The following SAMD4A variants were observed in gnomAD, a reference collection of about 807,000 sequenced individuals.
SAMD4A encodes protein Smaug homolog 1.
In SAMD4A, 33 loss-of-function variants were observed where a neutral mutation model predicts 81.3. The ratio of observed to expected loss-of-function variants is 0.41; its 90% CI spans 0.31 to 0.54. The LOEUF is 0.54. SAMD4A is among the 20% of genes least tolerant of loss of function. SAMD4A has a pLI of 0.37. For synonymous variants in SAMD4A, 389 were observed against 382.1 expected, an observed-to-expected ratio of 1.02 and a Z score of -0.21; for missense variants, 854 against 951.1, an observed-to-expected ratio of 0.90 and a Z score of 1.34.
chr14:54,731,538 C>T (rs1594870699), intron 3 of SAMD4A, among the ~76,000 whole-genome samples: 1 of 152,342 alleles, frequency 6.6e-6, no homozygotes, highest in Middle Eastern at 3.4e-3. Flanking sequence ...CATCCTCATT[C>T]TACCTTTTAA....
chr14:54,652,238 G>A (rs1362131225), intron 2 of SAMD4A, among the ~76,000 whole-genome samples: 1 of 152,168 alleles, frequency 6.6e-6, no homozygotes, highest in Non-Finnish European at 1.5e-5. Context: ...TAGTAAAAAT[G>A]GCAAAAGAGA....
intron 2 of SAMD4A, among the ~76,000 whole-genome samples, chr14:54,612,386 G>A (rs570158529): frequency 6.6e-6 from 1 of 152,130 alleles, no homozygotes; most frequent in East Asian, 1.9e-4. Context: ...GTCATTAGAA[G>A]CTCTTTCCTG....
In SAMD4A at chr14:54,760,630, G is replaced by T. The variant is rs1415296748; in HGVS notation, c.1510+136G>T. ...TCATTAGCTTCATCTTACAGATAGG[G>T]AAAGTGCAGTTCAGAGAGGTTAAGC... On this transcript the variant is annotated intron_variant, in intron 7 of 12. Coordinates refer to ENST00000554335, the MANE Select transcript of SAMD4A (RefSeq NM_015589.6). 2 of 1,326,708 alleles carry T rather than the reference G, an allele frequency of 1.5e-6. No homozygotes were observed. Among genetic ancestry groups the T allele is most frequent in the Middle Eastern group, 2.1e-4 (1 of 4,826 alleles). The allele number at this position is 1,326,708 out of a possible 1,614,324, so 82.2% of individuals were successfully genotyped here. A position where few individuals can be genotyped will look rare whatever the true frequency, so the allele number is the denominator to read the frequency against.
intron 2 of SAMD4A, among the ~76,000 whole-genome samples, chr14:54,649,488 G>C (rs1452872601): frequency 6.6e-6 from 1 of 152,206 alleles, no homozygotes; most frequent in Non-Finnish European, 1.5e-5. Flanking sequence ...CCCACACTTA[G>C]AGGCTTTGGG....
At chr14:54,603,651 GTAGT>G (rs1397056588) in intron 2 of SAMD4A, among the ~76,000 whole-genome samples, 1 of 151,962 alleles carries the variant, frequency 6.6e-6, no homozygotes, top group East Asian at 1.9e-4. Context: ...CTATGAATAA[GTAGT>G]TAGACCATTC....
chr14:54,764,376 C>T (rs965120596), intron 7 of SAMD4A, 79 bp from the exon 8 acceptor site: 1 of 970,616 alleles, frequency 1.0e-6, no homozygotes, highest in Non-Finnish European at 1.6e-6. Context: ...AGTGTTGGAC[C>T]TGAAGGGAAA....
At chr14:54,760,013 G>A (rs968964634) in intron 6 of SAMD4A, 148 bp from the exon 7 acceptor site, 13 of 721,342 alleles carry the variant, frequency 1.8e-5, no homozygotes, top group Middle Eastern at 3.5e-4. Context: ...ATGATGAAAC[G>A]AAAGTGGTCC....
Position 54,760,453 on chromosome 14 carries a change from AG to A in SAMD4A, c.1474del (p.Asp492ThrfsTer27). ...GAGCTGGCCGTCGCCCCCCTGCCAGAGGGGGACCTCCCCGGGCAGTTCACAC... is the reference window on the plus strand; with the variant it reads ...GAGCTGGCCGTCGCCCCCCTGCCAGAGGGGACCTCCCCGGGCAGTTCACAC... ...DGELAVAPLP[E>X]GDLPGQFTRV... On this transcript the variant is annotated frameshift_variant, in exon 7 of 13. Transcript: ENST00000554335. LOFTEE classifies it high-confidence loss of function. The A allele has an allele frequency of 7.0e-7, 1 of 1,426,740 alleles. No homozygotes were observed. 88.4% of individuals were successfully genotyped at this position (1,426,740 alleles called of 1,614,324 possible). A position where few individuals can be genotyped will look rare whatever the true frequency, so the allele number is the denominator to read the frequency against.
At chr14:54,658,310 CAAAAAAT>C (rs2035569324) in intron 2 of SAMD4A, among the ~76,000 whole-genome samples, 1 of 152,032 alleles carries the variant, frequency 6.6e-6, no homozygotes, top group African/African-American at 2.4e-5. Context: ...AACTGTGTCT[CAAAAAAT>C]AAAAAGAGCA....
chr14:54,643,758 A>G (rs1008333017), intron 2 of SAMD4A, among the ~76,000 whole-genome samples: 1 of 152,242 alleles, frequency 6.6e-6, no homozygotes, highest in Admixed American at 6.5e-5. Flanking sequence ...TTGTTAAGGA[A>G]GTCACAGGGA....
chr14:54,786,585 G>A (rs371169784), intron 12 of SAMD4A, among the ~76,000 whole-genome samples: 24 of 152,332 alleles, frequency 1.6e-4, no homozygotes, highest in African/African-American at 3.8e-4. Context: ...TCCCCTGCTC[G>A]ACAGTGGCCA....
intron 2 of SAMD4A, among the ~76,000 whole-genome samples, chr14:54,679,895 C>T (rs1221681076): frequency 6.6e-6 from 1 of 152,176 alleles, no homozygotes; most frequent in African/African-American, 2.4e-5. Flanking sequence ...TGAAAGTCTT[C>T]AAGATTTGAC....
In SAMD4A at chr14:54,737,014, T is replaced by TA. The variant is rs746106839; in HGVS notation, c.716-10_716-9insA. On this transcript the variant is annotated splice_polypyrimidine_tract_variant and intron_variant, in intron 3 of 12. Transcript: ENST00000554335. ...GGGAATAACCTATTTCATTTTATTT[T>TA]TTTTTCCAGTTCTCTCAGGCCAGGC... The TA allele has an allele frequency of 2.5e-6, 4 of 1,612,600 alleles. No homozygotes were observed. In the African/African-American group the frequency reaches 5.3e-5, roughly 22 times the overall value.
chr14:54,575,173 A>G (rs188670812), intron 2 of SAMD4A, among the ~76,000 whole-genome samples: 7 of 152,242 alleles, frequency 4.6e-5, no homozygotes, highest in African/African-American at 1.7e-4. Flanking sequence ...GCAGTTTGGA[A>G]ATCTGTGACC....
chr14:54,588,872 A>C (rs2033698402), intron 2 of SAMD4A, among the ~76,000 whole-genome samples: 1 of 152,172 alleles, frequency 6.6e-6, no homozygotes, highest in Non-Finnish European at 1.5e-5. Flanking sequence ...TTGACAGGAA[A>C]AGGATTTTTA....
intron 2 of SAMD4A, among the ~76,000 whole-genome samples, chr14:54,632,326 T>C (rs1385187047): frequency 2.0e-5 from 3 of 152,226 alleles, no homozygotes; most frequent in Non-Finnish European, 4.4e-5. Flanking sequence ...ATTTGAATAG[T>C]CAGTATGTGC....
chr14:54,635,553 C>G (rs1043769924), intron 2 of SAMD4A, among the ~76,000 whole-genome samples: 1 of 148,624 alleles, frequency 6.7e-6, no homozygotes, highest in African/African-American at 2.6e-5. Context: ...CGTTCGAGAC[C>G]AGCCTGGCCA....
intron 2 of SAMD4A, among the ~76,000 whole-genome samples, chr14:54,633,417 G>A (rs1242043507): frequency 6.6e-6 from 1 of 152,212 alleles, no homozygotes; most frequent in Non-Finnish European, 1.5e-5. Context: ...CCCGATTTAG[G>A]ATTGTGTTCT....
chr14:54,711,866 A>G (rs1277455772), intron 3 of SAMD4A, among the ~76,000 whole-genome samples: 1 of 152,090 alleles, frequency 6.6e-6, no homozygotes, highest in Non-Finnish European at 1.5e-5. Context: ...ACGGGAAAAA[A>G]ACCTCCATTT....
Sources: gnomAD v4.1 joint callset for allele counts (sites outside exome capture counted in the v4.1 genomes callset) on GRCh38, gnomAD v4.1.1 for gene constraint, MANE v1.5 for transcripts, NCBI Gene and HGNC (gene_info 2026-07-23, HGNC 2026-07-21) for gene names.